Variants in GRM7 observed in about 807,000 individuals in gnomAD.
GRM7 encodes metabotropic glutamate receptor 7.
In GRM7, 35 loss-of-function variants were observed where a neutral mutation model predicts 84.5. The ratio of observed to expected loss-of-function variants is 0.41; its 90% CI spans 0.32 to 0.55. The LOEUF is 0.55. Among genes scored for constraint, GRM7 ranks in the 20% least tolerant of loss-of-function variants. The pLI, the probability that GRM7 is intolerant of heterozygous loss-of-function variation, is 0.19. For missense variants in GRM7, 1,003 were observed against 1,194.6 expected (o/e 0.84, Z 2.36); for synonymous variants, 487 against 455.1 (o/e 1.07, Z -0.89).
intron 4 of GRM7, among the ~76,000 whole-genome samples, chr3:7,414,526 C>T (rs1454154334): frequency 6.6e-6 from 1 of 152,114 alleles, no homozygotes; most frequent in Non-Finnish European, 1.5e-5. Flanking sequence ...GAGTTCCTGG[C>T]GTCCTCGTCC....
chr3:7,643,222 CTGCCATT>C (rs1698441307), intron 8 of GRM7, among the ~76,000 whole-genome samples: 1 of 152,118 alleles, frequency 6.6e-6, no homozygotes, highest in African/African-American at 2.4e-5. Flanking sequence ...ATTTCTCCTT[CTGCCATT>C]TATTGGCTGC....
At chr3:7,405,963 A>G (rs1428180318) in intron 4 of GRM7, among the ~76,000 whole-genome samples, 1 of 151,642 alleles carries the variant, frequency 6.6e-6, no homozygotes, top group Non-Finnish European at 1.5e-5. Context: ...AGTGAATATT[A>G]TATATGTAAT....
chr3:7,096,667 C>A (rs59044909), intron 1 of GRM7, among the ~76,000 whole-genome samples: 1 of 152,068 alleles, frequency 6.6e-6, no homozygotes, highest in Non-Finnish European at 1.5e-5. Flanking sequence ...CAGCCCTTGT[C>A]CCCTCTGAGG....
chr3:6,861,467 G>A lies in GRM7; in HGVS notation c.79G>A (p.Ala27Thr). 6.3e-7 allele frequency: 1 copy of A among 1,593,676 alleles called. No individual in the cohort carries two copies. The highest frequency in any genetic ancestry group is 8.5e-7 in the Non-Finnish European group (1 of 1,172,708). Residue 27 changes from alanine to threonine, a missense_variant, in exon 1 of 10, where the codon GCG (alanine) becomes ACG (threonine). Around this residue, in one of 2 missense-constraint regions of GRM7, gnomAD observed 93 missense variants for 68.6 expected, o/e 1.36. Coordinates refer to ENST00000357716, the MANE Select transcript of GRM7 (RefSeq NM_000844.4). The surrounding 1 kb of genome is among the most constrained non-coding windows in gnomAD (Gnocchi z 6.4). ...PCCVLEVLLC[A>T]LAAAARGQEM... ...CTGCGTGCTGGAGGTGCTCCTGTGC[G>A]CGCTGGCGGCGGCGGCGCGCGGCCA...
intron 1 of GRM7, among the ~76,000 whole-genome samples, chr3:6,902,078 T>C (rs1696407027): frequency 6.6e-6 from 1 of 152,168 alleles, no homozygotes; most frequent in African/African-American, 2.4e-5. Context: ...ACAAAGACTT[T>C]ATTACGAAGT....
chr3:7,704,294 G>A (rs1158847212), intron 9 of GRM7, among the ~76,000 whole-genome samples: 20 of 152,196 alleles, frequency 1.3e-4, no homozygotes, highest in Non-Finnish European at 1.5e-5. Flanking sequence ...TTGCTTTCAT[G>A]AACAGCTATT....
At chr3:6,948,825 G>C (rs924757569) in intron 1 of GRM7, among the ~76,000 whole-genome samples, 8 of 152,006 alleles carry the variant, frequency 5.3e-5, no homozygotes, top group Non-Finnish European at 7.4e-5. Context: ...TTCTTTGTGT[G>C]TTTTGATCTT....
intron 7 of GRM7, among the ~76,000 whole-genome samples, chr3:7,509,743 G>A (rs561200548): frequency 6.6e-6 from 1 of 152,192 alleles, no homozygotes; most frequent in East Asian, 1.9e-4. Flanking sequence ...TTTTCTCTGA[G>A]TACGTGACAA....
chr3:7,326,217 C>T (rs895356853), intron 4 of GRM7, among the ~76,000 whole-genome samples: 2 of 151,428 alleles, frequency 1.3e-5, no homozygotes, highest in East Asian at 3.9e-4. Flanking sequence ...AAAAACAACA[C>T]CCTAATTGTG....
intron 4 of GRM7, among the ~76,000 whole-genome samples, chr3:7,336,153 T>C (rs1387109556): frequency 1.3e-5 from 2 of 152,006 alleles, no homozygotes; most frequent in Non-Finnish European, 2.9e-5. Context: ...AACAAAATAC[T>C]TGTGAACTGA....
chr3:6,876,027 G>A (rs1049890319), intron 1 of GRM7, among the ~76,000 whole-genome samples: 5 of 152,100 alleles, frequency 3.3e-5, no homozygotes, highest in African/African-American at 1.2e-4. Flanking sequence ...TAGCACTTTG[G>A]GAAGCCAAGG....
At chr3:7,661,071 C>A (rs1255184504) in intron 8 of GRM7, among the ~76,000 whole-genome samples, 1 of 152,122 alleles carries the variant, frequency 6.6e-6, no homozygotes, top group Non-Finnish European at 1.5e-5. Context: ...AGGTATCATG[C>A]CGAACACACA....
At chr3:6,933,216 A>G (rs1697571491) in intron 1 of GRM7, among the ~76,000 whole-genome samples, 1 of 152,216 alleles carries the variant, frequency 6.6e-6, no homozygotes, top group African/African-American at 2.4e-5. Context: ...AAGCTTTTAC[A>G]ATTATATTAT....
At chr3:7,095,915 C>T (rs953761044) in intron 1 of GRM7, among the ~76,000 whole-genome samples, 4 of 152,060 alleles carry the variant, frequency 2.6e-5, no homozygotes, top group Admixed American at 2.6e-4. Context: ...ACACCTTACA[C>T]ACATACATAT....
chr3:7,301,649 C>G (rs1700004877), intron 3 of GRM7, among the ~76,000 whole-genome samples: 1 of 141,184 alleles, frequency 7.1e-6, no homozygotes, highest in African/African-American at 2.5e-5. Context: ...ATAATTATAC[C>G]CATTCTTTTT....
At chr3:7,639,062 A>G (rs1029147637) in intron 8 of GRM7, among the ~76,000 whole-genome samples, 11 of 152,170 alleles carry the variant, frequency 7.2e-5, no homozygotes, top group African/African-American at 1.2e-4. Context: ...TTGACAGCCA[A>G]ACTTAAAACC....
intron 2 of GRM7, among the ~76,000 whole-genome samples, chr3:7,291,996 C>G (rs1443703856): frequency 6.6e-6 from 1 of 152,204 alleles, no homozygotes; most frequent in Non-Finnish European, 1.5e-5. Context: ...CTCATTTTCA[C>G]TCTTGTGTGC....
chr3:7,647,051 C>T (rs1410898094), intron 8 of GRM7, among the ~76,000 whole-genome samples: 2 of 152,172 alleles, frequency 1.3e-5, no homozygotes, highest in South Asian at 2.1e-4. Flanking sequence ...GCATTTTATC[C>T]TGCTGGGCCG....
At chr3:6,988,730 T>TC (rs1404290035) in intron 1 of GRM7, among the ~76,000 whole-genome samples, 1 of 152,242 alleles carries the variant, frequency 6.6e-6, no homozygotes, top group Admixed American at 6.5e-5. Context: ...GAAGAACATG[T>TC]ACTCTGACTA....
Sources: gnomAD v4.1 joint callset for allele counts (sites outside exome capture counted in the v4.1 genomes callset) on GRCh38, gnomAD v4.1.1 for gene constraint, gnomAD v4.1.1 regional missense constraint, Gnocchi (gnomAD v3.1) non-coding constraint, MANE v1.5 for transcripts, NCBI Gene and HGNC (gene_info 2026-07-23, HGNC 2026-07-21) for gene names.